Variants in SHROOM4 observed in about 807,000 individuals in gnomAD.
SHROOM4 encodes protein Shroom4.
Under a neutral mutation model 80.3 loss-of-function variants are expected in SHROOM4, and 17 were observed. The observed-to-expected ratio is 0.21, with a 90% CI of 0.14 to 0.32. The LOEUF (loss-of-function observed/expected upper bound fraction) is 0.32. Among genes scored for constraint, SHROOM4 ranks in the 10% least tolerant of loss-of-function variants. The pLI is 1.00. For missense variants in SHROOM4, 993 were observed against 1,140.3 expected, an observed-to-expected ratio of 0.87 and a Z score of 1.86; for synonymous variants, 400 against 437.5, an observed-to-expected ratio of 0.91 and a Z score of 1.07.
At chrX:50,576,471 G>A in the SHROOM4 span, among the ~76,000 whole-genome samples, 2 of 111,766 alleles carry the variant, frequency 1.8e-5, no homozygotes, top group African/African-American at 6.5e-5. Flanking sequence ...TGCTTCTTGT[G>A]TTATGTCATA....
intron 5 of SHROOM4, among the ~76,000 whole-genome samples, chrX:50,613,017 T>C (rs940532360): frequency 1.8e-5 from 2 of 112,378 alleles, no homozygotes; most frequent in South Asian, 7.5e-4. Context: ...AATATTGTTC[T>C]GAAAGCAATA....
chrX:50,647,947 G>C (rs1187945631), intron 2 of SHROOM4, among the ~76,000 whole-genome samples: 1 of 112,258 alleles, frequency 8.9e-6, no homozygotes, highest in Admixed American at 9.4e-5. Context: ...TACTGGGGAG[G>C]TGCATAGGCC....
intron 1 of SHROOM4, among the ~76,000 whole-genome samples, chrX:50,712,858 C>A (rs782474699): frequency 2.7e-5 from 3 of 111,521 alleles, no homozygotes; most frequent in Non-Finnish European, 5.6e-5. Context: ...CACTCTTCCC[C>A]TTGATGCGTA....
At chrX:50,639,255 TA>T (rs782811016) in intron 2 of SHROOM4, among the ~76,000 whole-genome samples, 1 of 109,529 alleles carries the variant, frequency 9.1e-6, no homozygotes, top group East Asian at 2.9e-4. Context: ...TGCCAGGAGA[TA>T]AAAAGGTGAT....
chrX:50,783,402 T>C (rs1437179257), intron 1 of SHROOM4, among the ~76,000 whole-genome samples: 1 of 111,644 alleles, frequency 9.0e-6, no homozygotes, highest in Non-Finnish European at 1.9e-5. Flanking sequence ...CTACAAAACA[T>C]GGCTGAGATA....
At chrX:50,743,853 C>T (rs1245432195) in intron 1 of SHROOM4, among the ~76,000 whole-genome samples, 1 of 112,108 alleles carries the variant, frequency 8.9e-6, no homozygotes, top group Non-Finnish European at 1.9e-5. Flanking sequence ...ATTTCGCCTA[C>T]ATTTTTGACG....
intron 1 of SHROOM4, among the ~76,000 whole-genome samples, chrX:50,786,270 T>A (rs1414048526): frequency 9.0e-6 from 1 of 111,375 alleles, no homozygotes; most frequent in Non-Finnish European, 1.9e-5. Flanking sequence ...TGTCTCAGAG[T>A]GATGATGGGA....
intron 2 of SHROOM4, among the ~76,000 whole-genome samples, chrX:50,641,407 G>A (rs1931592331): frequency 8.9e-6 from 1 of 112,075 alleles, no homozygotes; most frequent in Non-Finnish European, 1.9e-5. Flanking sequence ...GGGGATTAGA[G>A]ATAGTATTCT....
At chrX:50,612,877 A>C (rs1429267884) in intron 5 of SHROOM4, among the ~76,000 whole-genome samples, 1 of 111,498 alleles carries the variant, frequency 9.0e-6, no homozygotes, top group Non-Finnish European at 1.9e-5. Context: ...TATTTCCATA[A>C]TACCATCATT....
intron 1 of SHROOM4, among the ~76,000 whole-genome samples, chrX:50,813,161 G>GGCGGCA (rs1321615065): frequency 2.3e-4 from 6 of 26,204 alleles, no homozygotes; most frequent in Non-Finnish European, 4.9e-4. Context: ...CGGCGGCAGT[G>GGCGGCA]GCGGCGGCGG....
intron 1 of SHROOM4, among the ~76,000 whole-genome samples, chrX:50,778,376 T>C (rs1935555089): frequency 8.9e-6 from 1 of 112,065 alleles, no homozygotes; most frequent in African/African-American, 3.2e-5. Context: ...TGTGGCACCT[T>C]CCTACTCGAA....
chrX:50,775,537 T>G (rs1935485028), intron 1 of SHROOM4, among the ~76,000 whole-genome samples: 1 of 111,081 alleles, frequency 9.0e-6, no homozygotes, highest in Non-Finnish European at 1.9e-5. Flanking sequence ...TTGGCTTCGA[T>G]ATGGAAAGCC....
chrX:50,783,636 C>T (rs1458503706), intron 1 of SHROOM4, among the ~76,000 whole-genome samples: 5 of 109,743 alleles, frequency 4.6e-5, no homozygotes, highest in East Asian at 2.9e-4. Flanking sequence ...AGTGCAGTGG[C>T]GTGATCTCAG....
chrX:50,738,442 C>T (rs1273520947), intron 1 of SHROOM4, among the ~76,000 whole-genome samples: 4 of 111,559 alleles, frequency 3.6e-5, no homozygotes, highest in East Asian at 2.8e-4. Context: ...ATCGTCTCAG[C>T]CCCAAATCTC....
chrX:50,758,061 A>G (rs868967981), intron 1 of SHROOM4, among the ~76,000 whole-genome samples: 3 of 111,617 alleles, frequency 2.7e-5, no homozygotes, highest in Non-Finnish European at 5.6e-5. Flanking sequence ...ATTGTGAATG[A>G]AAATGTTTTC....
chrX:50,734,488 ACTGCAACCTCTGCCTC>A (rs1269205399), intron 1 of SHROOM4, among the ~76,000 whole-genome samples: 1 of 111,030 alleles, frequency 9.0e-6, no homozygotes, highest in Non-Finnish European at 1.9e-5. Flanking sequence ...ATCTCGGCTC[ACTGCAACCTCTGCCTC>A]CTGGGTTCAA....
intron 1 of SHROOM4, among the ~76,000 whole-genome samples, chrX:50,702,145 T>C (rs1012189427): frequency 8.9e-6 from 1 of 112,053 alleles, no homozygotes; most frequent in Non-Finnish European, 1.9e-5. Flanking sequence ...TAATTCTTCA[T>C]TAGGGAAATG....
In SHROOM4 at chrX:50,602,655, T is replaced by C. The variant is rs1315784591; in HGVS notation, c.3920A>G (p.Asp1307Gly). 2 of 1,209,582 alleles carry C rather than the reference T, an allele frequency of 1.7e-6. No individual in the cohort carries two copies. The highest frequency in any genetic ancestry group is 3.5e-5 in the African/African-American group (2 of 57,031). The change falls in exon 7 of 9, where the codon GAC becomes GGC. Residue 1307 changes from aspartate (D) to glycine (G), a missense_variant. Transcript: ENST00000376020. Reference sequence around the variant, plus strand: ...TACCTTTTTTTGAGCCAGTTCATGGTCAACTTCCTCCTCTCCTAGGCCAAT... The same window carrying C: ...TACCTTTTTTTGAGCCAGTTCATGGCCAACTTCCTCCTCTCCTAGGCCAAT... ...AEIGLGEEEVDHELAQKKIQL... is the reference protein window; with the variant it reads ...AEIGLGEEEVGHELAQKKIQL...
At chrX:50,717,069 C>A (rs1387228491) in intron 1 of SHROOM4, among the ~76,000 whole-genome samples, 1 of 112,425 alleles carries the variant, frequency 8.9e-6, no homozygotes, top group Non-Finnish European at 1.9e-5. Context: ...CCCAGTCTGG[C>A]CTTCTCTACA....
Sources: gnomAD v4.1 joint callset for allele counts (sites outside exome capture counted in the v4.1 genomes callset) on GRCh38, gnomAD v4.1.1 for gene constraint, MANE v1.5 for transcripts, NCBI Gene and HGNC (gene_info 2026-07-23, HGNC 2026-07-21) for gene names.